Variants in LRCH3 observed in about 807,000 individuals in gnomAD.
LRCH3 encodes the protein leucine rich repeats and calponin homology domain containing 3, also known as DISP complex protein LRCH3.
Under a neutral mutation model 104.5 loss-of-function variants are expected in LRCH3, and 68 were observed. The observed-to-expected ratio is 0.65, with a 90% CI of 0.54 to 0.80. The LOEUF (loss-of-function observed/expected upper bound fraction) is 0.80. Among genes scored for constraint, LRCH3 ranks in the 30% least tolerant of loss-of-function variants. The pLI is 0.00. For synonymous variants in LRCH3, 344 were observed against 361.3 expected (o/e 0.95, Z 0.54); for missense variants, 951 against 953.9 (o/e 1.00, Z 0.04).
intron 1 of LRCH3, among the ~76,000 whole-genome samples, chr3:197,795,761 C>T (rs1012346463): frequency 1.0e-4 from 13 of 128,608 alleles, no homozygotes; most frequent in African/African-American, 1.8e-4. Flanking sequence ...GGCATGATCT[C>T]GGCTCACTGC....
intron 3 of LRCH3, among the ~76,000 whole-genome samples, chr3:197,818,731 T>TA: frequency 6.6e-6 from 1 of 152,372 alleles, no homozygotes; most frequent in South Asian, 2.1e-4. Flanking sequence ...CAATCCTAAA[T>TA]ACTTAAAAGG....
chr3:197,877,825 C>G (rs1429695401), intron 20 of LRCH3, among the ~76,000 whole-genome samples: 1 of 151,884 alleles, frequency 6.6e-6, no homozygotes, highest in Non-Finnish European at 1.5e-5. Context: ...TGGTAGTTAG[C>G]AAACACCTTT....
At chr3:197,867,853 T>TCAAAAA (rs1488209232) in intron 17 of LRCH3, among the ~76,000 whole-genome samples, 1 of 151,808 alleles carries the variant, frequency 6.6e-6, no homozygotes, top group Non-Finnish European at 1.5e-5. Context: ...AGACTCCGTT[T>TCAAAAA]CAAAAACAAA....
chr3:197,858,900 C>T lies in LRCH3; in HGVS notation c.1711C>T (p.Leu571Phe), dbSNP rs767573652. 6.2e-7 allele frequency: 1 copy of T among 1,612,734 alleles called. No individual in the cohort carries two copies. Among genetic ancestry groups the T allele is most frequent in the Non-Finnish European group, 8.5e-7 (1 of 1,178,702 alleles). ...TLPHSSAFTP[L>F]KSDDRPNALL... ...GCCTCATTCTTCTGCCTTCACGCCTCTTAAGGTATCTCTTGTTATTGTAAT... is the reference window on the plus strand; with the variant it reads ...GCCTCATTCTTCTGCCTTCACGCCTTTTAAGGTATCTCTTGTTATTGTAAT... The change falls in exon 15 of 21, where the codon CTT (leucine) becomes TTT (phenylalanine). Residue 571 changes from leucine to phenylalanine, a missense_variant. Physicochemically the swap from Leu to Phe is conservative, Grantham distance 22. Transcript: ENST00000425562.
At chr3:197,791,761 GC>G (rs1730547022) in intron 1 of LRCH3, among the ~76,000 whole-genome samples, 1 of 152,196 alleles carries the variant, frequency 6.6e-6, no homozygotes, top group African/African-American at 2.4e-5. Context: ...GGGGAAGGGG[GC>G]CGGAGTGATT....
chr3:197,827,601 A>G lies in LRCH3; in HGVS notation c.777+587A>G, dbSNP rs138325069. 3.9e-4 allele frequency among the ~76,000 whole-genome samples: 59 copies of G among 152,360 alleles called. No individual in the cohort carries two copies. The East Asian group carries it at 0.011, about 28-fold the overall frequency. On this transcript the variant is annotated intron_variant, in intron 5 of 20. Coordinates refer to ENST00000425562, the MANE Select transcript of LRCH3 (RefSeq NM_001365715.1). ...TTTTTGAGAAGCCTTGAATTAATGG[A>G]TTAGAAGATAATGTTTCCAGAAGTA...
At chr3:197,828,283 A>G (rs1290530255) in intron 5 of LRCH3, among the ~76,000 whole-genome samples, 1 of 152,168 alleles carries the variant, frequency 6.6e-6, no homozygotes, top group Non-Finnish European at 1.5e-5. Context: ...CTTTACATGT[A>G]GATGCTGGAC....
chr3:197,826,640 G>A (rs1735239229), intron 4 of LRCH3, among the ~76,000 whole-genome samples: 1 of 152,128 alleles, frequency 6.6e-6, no homozygotes, highest in African/African-American at 2.4e-5. Flanking sequence ...GAGACTTTCT[G>A]TAGTTCTGAG....
In LRCH3 at chr3:197,876,868, C is replaced by T. The variant is rs969856560; in HGVS notation, c.2208+1093C>T. Among the ~76,000 whole-genome samples the T allele has an allele frequency of 6.6e-5, 9 of 137,182 alleles. No individual in the cohort carries two copies. The South Asian group carries it at 9.8e-4, about 15-fold the overall frequency. The allele number at this position is 137,182 out of a possible 152,430, so 90.0% of individuals were successfully genotyped here. A position where few individuals can be genotyped will look rare whatever the true frequency, so the allele number is the denominator to read the frequency against. ...CAGTGATTCTCTTTACCCAACTCAC[C>T]GCACCCATGACAGTGATTCTCTTTA... On this transcript the variant is annotated intron_variant, in intron 20 of 20. Transcript: ENST00000425562.
Position 197,883,200 on chromosome 3 carries a change from T to C in LRCH3, c.2209-341T>C, listed in dbSNP as rs1713935816. 1.0e-6 allele frequency: 1 copy of C among 1,000,070 alleles called. No individual in the cohort carries two copies. Among genetic ancestry groups the C allele is most frequent in the African/African-American group, 1.7e-5 (1 of 57,804 alleles). 61.9% of individuals were successfully genotyped at this position (1,000,070 alleles called of 1,614,324 possible). On this transcript the variant is annotated intron_variant, in intron 20 of 20. Coordinates refer to ENST00000425562, the MANE Select transcript of LRCH3 (RefSeq NM_001365715.1). The surrounding 1 kb of genome is among the most constrained non-coding windows in gnomAD (Gnocchi z 4.2). ...TTCTATTTTTCACCTGCCTATTTTATAGACCTGTATTGACCTTTTATTCAT... is the reference window on the plus strand; with the variant it reads ...TTCTATTTTTCACCTGCCTATTTTACAGACCTGTATTGACCTTTTATTCAT...
Position 197,827,046 on chromosome 3 carries a change from TGGTGG to T in LRCH3, c.777+33_777+37del, listed in dbSNP as rs1560547710. 7 of 1,551,530 alleles carry T rather than the reference TGGTGG, an allele frequency of 4.5e-6. No individual in the cohort carries two copies. In the African/African-American group the frequency reaches 1.0e-4, roughly 23 times the overall value. The stretch of plus-strand genomic sequence containing the variant: ...CATAGTGGAAGCATCAGGTAAACCA[TGGTGG>T]AAGCATCAGGTAAACCACGGTGGAA... On this transcript the variant is annotated intron_variant, in intron 5 of 20. Coordinates refer to ENST00000425562, the MANE Select transcript of LRCH3 (RefSeq NM_001365715.1).
intron 20 of LRCH3, chr3:197,880,450 C>T (rs1053167409): frequency 5.0e-5 from 61 of 1,226,660 alleles, no homozygotes; most frequent in Non-Finnish European, 6.6e-5. Flanking sequence ...ATACTCAAAT[C>T]TGCATTTCTG....
intron 20 of LRCH3, chr3:197,880,954 A>G: frequency 1.4e-6 from 2 of 1,386,744 alleles, no homozygotes; most frequent in Non-Finnish European, 1.9e-6. Context: ...TCATCCGTCC[A>G]TTCTCCTGGC....
At chr3:197,844,045 A>G (rs1738224669) in intron 10 of LRCH3, among the ~76,000 whole-genome samples, 2 of 152,236 alleles carry the variant, frequency 1.3e-5, no homozygotes, top group African/African-American at 2.4e-5. Flanking sequence ...TGCCATGATA[A>G]TATTTCAGTA....
At chr3:197,845,887 G>A (rs1168376403) in intron 10 of LRCH3, among the ~76,000 whole-genome samples, 6 of 152,184 alleles carry the variant, frequency 3.9e-5, no homozygotes, top group African/African-American at 1.4e-4. Context: ...CTGGGTGACA[G>A]GGCAAGACTC....
At chr3:197,827,607 AGAT>A (rs1387594008) in intron 5 of LRCH3, among the ~76,000 whole-genome samples, 4 of 152,242 alleles carry the variant, frequency 2.6e-5, no homozygotes, top group African/African-American at 9.6e-5. Context: ...ATGGATTAGA[AGAT>A]AATGTTTCCA....
chr3:197,874,704 G>GA (rs113164952), intron 19 of LRCH3, among the ~76,000 whole-genome samples: 6,171 of 150,700 alleles, frequency 0.041, 390 homozygotes, highest in African/African-American at 0.14. Context: ...TTTTAAAATG[G>GA]AAAAAAAAAG....
At chr3:197,798,926 C>G (rs1337504924) in intron 1 of LRCH3, among the ~76,000 whole-genome samples, 1 of 152,182 alleles carries the variant, frequency 6.6e-6, no homozygotes, top group Non-Finnish European at 1.5e-5. Flanking sequence ...GCACCTTGGA[C>G]CAACCTCCTC....
intron 1 of LRCH3, among the ~76,000 whole-genome samples, chr3:197,803,910 A>ACTT (rs1391400608): frequency 6.6e-6 from 1 of 152,196 alleles, no homozygotes; most frequent in East Asian, 1.9e-4. Flanking sequence ...TAGTTAATTT[A>ACTT]ACCCATATGA....
Sources: gnomAD v4.1 joint callset for allele counts (sites outside exome capture counted in the v4.1 genomes callset) on GRCh38, gnomAD v4.1.1 for gene constraint, Gnocchi (gnomAD v3.1) non-coding constraint, MANE v1.5 for transcripts, NCBI Gene and HGNC (gene_info 2026-07-23, HGNC 2026-07-21) for gene names.